Variants in CSMD1 observed in about 807,000 individuals in gnomAD.
CSMD1 encodes CUB and sushi domain-containing protein 1.
In CSMD1, 213 loss-of-function variants were observed where a neutral mutation model predicts 417.5. The ratio of observed to expected loss-of-function variants is 0.51; its 90% CI spans 0.46 to 0.57. CSMD1 has a LOEUF of 0.57. Ranked by LOEUF, CSMD1 falls within the 20% of genes least tolerant of loss-of-function variation. The pLI, the probability that CSMD1 is intolerant of heterozygous loss-of-function variation, is 0.00. For synonymous variants in CSMD1, 2,862 were observed against 1,736.8 expected (o/e 1.65, Z -16.11); for missense variants, 6,923 against 4,529.7 (o/e 1.53, Z -15.17).
chr8:3,253,241 T>C (rs1048240610), intron 26 of CSMD1, among the ~76,000 whole-genome samples: 5 of 152,256 alleles, frequency 3.3e-5, no homozygotes, highest in Admixed American at 2.0e-4. Context: ...TTTGCTCTCG[T>C]TGGTTTCAAA....
Position 3,227,894 on chromosome 8 carries a change from A to C in CSMD1, c.4345+2146T>G, listed in dbSNP as rs569210860. ...GTGATTCTCGTGCCTCAGCCTCCCA[A>C]GTAGCTGGGATCACAGGCATGCACC... On this transcript the variant is annotated intron_variant, in intron 27 of 69. Transcript: ENST00000635120. Among the ~76,000 whole-genome samples the C allele has an allele frequency of 3.1e-3, 473 of 151,996 alleles. 3 individuals are homozygous for C. Among genetic ancestry groups the C allele is most frequent in the Non-Finnish European group, 5.7e-3 (385 of 67,976 alleles).
intron 1 of CSMD1, among the ~76,000 whole-genome samples, chr8:4,872,883 G>A (rs372734257): frequency 6.6e-6 from 1 of 152,084 alleles, no homozygotes; most frequent in East Asian, 1.9e-4. Context: ...AGTAGTACTG[G>A]CGAATACTTT....
chr8:3,262,433 C>G (rs1404737313), intron 26 of CSMD1, among the ~76,000 whole-genome samples: 1 of 150,990 alleles, frequency 6.6e-6, no homozygotes, highest in Non-Finnish European at 1.5e-5. Context: ...AATGACCATT[C>G]TCTTGGAATA....
At chr8:4,714,520 A>C (rs773339932) in intron 1 of CSMD1, among the ~76,000 whole-genome samples, 1 of 152,184 alleles carries the variant, frequency 6.6e-6, no homozygotes, top group Non-Finnish European at 1.5e-5. Flanking sequence ...AATTTTGCCC[A>C]ATTGAACATA....
intron 1 of CSMD1, among the ~76,000 whole-genome samples, chr8:4,783,223 C>G (rs11782389): frequency 0.091 from 13,816 of 152,152 alleles, 757 homozygotes; most frequent in East Asian, 0.28. Flanking sequence ...AATTGTATTT[C>G]GTGAAACATA....
chr8:4,040,709 A>C (rs760809001), intron 3 of CSMD1, among the ~76,000 whole-genome samples: 11 of 152,206 alleles, frequency 7.2e-5, no homozygotes, highest in Non-Finnish European at 1.3e-4. Context: ...ATAATAGCAA[A>C]AACACTGCAG....
At chr8:4,300,219 T>C (rs1182856470) in intron 3 of CSMD1, among the ~76,000 whole-genome samples, 3 of 152,224 alleles carry the variant, frequency 2.0e-5, no homozygotes, top group African/African-American at 7.2e-5. Flanking sequence ...AATGTTCAGT[T>C]TTGATAATGT....
At chr8:4,058,065 G>C (rs1798789451) in intron 3 of CSMD1, among the ~76,000 whole-genome samples, 1 of 152,166 alleles carries the variant, frequency 6.6e-6, no homozygotes, top group Middle Eastern at 3.4e-3. Flanking sequence ...TTCCAATTCT[G>C]TGAAGGAACT....
At chr8:4,215,126 G>A (rs867590504) in intron 3 of CSMD1, among the ~76,000 whole-genome samples, 2 of 152,076 alleles carry the variant, frequency 1.3e-5, no homozygotes, top group Admixed American at 1.3e-4. Context: ...CAGTTCTCAG[G>A]GTGCCAACCT....
chr8:4,450,060 G>T (rs1367102561), intron 2 of CSMD1, among the ~76,000 whole-genome samples: 1 of 152,048 alleles, frequency 6.6e-6, no homozygotes, highest in Non-Finnish European at 1.5e-5. Flanking sequence ...TTTTCTCCCG[G>T]ACCAAGGACT....
chr8:3,185,235 G>A (rs1821673475), intron 36 of CSMD1, among the ~76,000 whole-genome samples: 1 of 152,318 alleles, frequency 6.6e-6, no homozygotes, highest in East Asian at 1.9e-4. Flanking sequence ...CGTCAGAATT[G>A]CATTGCAGTG....
chr8:3,185,143 G>A (rs10099847), intron 36 of CSMD1, among the ~76,000 whole-genome samples: 41,328 of 152,178 alleles, frequency 0.27, 6,287 homozygotes, highest in Non-Finnish European at 0.36. Context: ...GGGAGGCCCC[G>A]AGGGCTTGCA....
intron 5 of CSMD1, among the ~76,000 whole-genome samples, chr8:3,800,681 G>A (rs1377408151): frequency 6.6e-6 from 1 of 152,154 alleles, no homozygotes; most frequent in African/African-American, 2.4e-5. Context: ...ATATTCTCGT[G>A]GGAGTGAGTG....
At chr8:4,802,050 G>T (rs938564330) in intron 1 of CSMD1, among the ~76,000 whole-genome samples, 2 of 152,162 alleles carry the variant, frequency 1.3e-5, no homozygotes, top group East Asian at 1.9e-4. Flanking sequence ...ATTAATGGAC[G>T]TAGCTATATA....
chr8:3,968,389 T>A (rs1812837263), intron 5 of CSMD1, among the ~76,000 whole-genome samples: 1 of 152,166 alleles, frequency 6.6e-6, no homozygotes, highest in Non-Finnish European at 1.5e-5. Flanking sequence ...GTGTGGTCAC[T>A]GAGCACGGCT....
At chr8:3,881,585 G>A (rs954361079) in intron 5 of CSMD1, among the ~76,000 whole-genome samples, 1 of 147,660 alleles carries the variant, frequency 6.8e-6, no homozygotes, top group African/African-American at 2.5e-5. Context: ...AGCCTGCCTG[G>A]GTGACAGAGC....
chr8:3,379,751 G>A (rs1375075202), intron 18 of CSMD1, among the ~76,000 whole-genome samples: 4 of 152,138 alleles, frequency 2.6e-5, no homozygotes, highest in African/African-American at 4.8e-5. Context: ...ATTAACTCAA[G>A]ATGGATTAAA....
intron 5 of CSMD1, among the ~76,000 whole-genome samples, chr8:3,976,743 T>G (rs1813464804): frequency 6.6e-6 from 1 of 152,188 alleles, no homozygotes; most frequent in African/African-American, 2.4e-5. Flanking sequence ...TGGGCCCCAT[T>G]ACTCTCAACA....
At chr8:4,867,900 G>A (rs564809768) in intron 1 of CSMD1, among the ~76,000 whole-genome samples, 1 of 152,068 alleles carries the variant, frequency 6.6e-6, no homozygotes, top group Admixed American at 6.5e-5. Context: ...CACAAGACAC[G>A]GAGTTGAATT....
Sources: allele counts gnomAD v4.1 joint callset (sites outside exome capture counted in the v4.1 genomes callset), GRCh38; gene constraint gnomAD v4.1.1; transcripts MANE v1.5; gene names NCBI Gene and HGNC (gene_info 2026-07-23, HGNC 2026-07-21).